The following ATAD5 variants were observed in gnomAD, a reference collection of about 807,000 sequenced individuals.
ATAD5 encodes the protein ATPase family AAA domain-containing protein 5.
In ATAD5, 58 loss-of-function variants were observed where a neutral mutation model predicts 176.9. The observed-to-expected ratio is 0.33, with a 90% CI of 0.27 to 0.41. The LOEUF (loss-of-function observed/expected upper bound fraction) is 0.41. Ranked by LOEUF, ATAD5 falls within the 10% of genes least tolerant of loss-of-function variation. ATAD5 has a pLI of 1.00. For missense variants in ATAD5, 1,789 were observed against 2,094.1 expected, an observed-to-expected ratio of 0.85 and a Z score of 2.84; for synonymous variants, 640 against 712.6, an observed-to-expected ratio of 0.90 and a Z score of 1.62.
In ATAD5 at chr17:30,893,684, A is replaced by G; in HGVS notation, c.4831A>G (p.Ser1611Gly). The G allele has an allele frequency of 6.2e-7, 1 of 1,613,300 alleles. No homozygotes were observed. Among genetic ancestry groups the G allele is most frequent in the Non-Finnish European group, 8.5e-7 (1 of 1,179,740 alleles). The change falls in exon 21 of 23, where the codon AGC (serine) becomes GGC (glycine). Residue 1611 changes from serine to glycine, a missense_variant. Ser to Gly is a moderately conservative substitution (Grantham distance 56). This residue lies in a region of ATAD5 where 403 missense variants were observed against 495.1 expected (regional missense o/e 0.81). Transcript: ENST00000321990. ...AGAAAGCAAAACCGGAGACGAAGAA[A>G]GCAAAGCCAGAGACAAAGGAAACAA... ...AEESKTGDEE[S>G]KARDKGNNPE...
chr17:30,892,749 C>T lies in ATAD5; in HGVS notation c.4401C>T (p.Asn1467=), dbSNP rs771264678. 4 of 1,576,780 alleles carry T rather than the reference C, an allele frequency of 2.5e-6. No individual in the cohort carries two copies. The highest frequency in any genetic ancestry group is 3.4e-6 in the Non-Finnish European group (4 of 1,164,028). Residue 1467 remains asparagine, a synonymous_variant, in exon 20 of 23, where the codon AAC becomes AAT. Coordinates refer to ENST00000321990, the MANE Select transcript of ATAD5 (RefSeq NM_024857.5). ...CTGAGACCTTGTTTGGCCTTAAGAACATTTTTTCCCCATCTGAAGACTTAT... is the reference window on the plus strand; with the variant it reads ...CTGAGACCTTGTTTGGCCTTAAGAATATTTTTTCCCCATCTGAAGACTTAT... ...GCAETLFGLK[N]IFSPSEDLFS...
chr17:30,856,348 T>C (rs1173566112), intron 7 of ATAD5, among the ~76,000 whole-genome samples: 4 of 152,226 alleles, frequency 2.6e-5, no homozygotes, highest in Non-Finnish European at 5.9e-5. Flanking sequence ...TCGCCAGTGC[T>C]CACAAGGTTA....
At chr17:30,841,691 G>A (rs2078986825) in intron 4 of ATAD5, among the ~76,000 whole-genome samples, 1 of 152,110 alleles carries the variant, frequency 6.6e-6, no homozygotes, top group South Asian at 2.1e-4. Context: ...TTCTGTCTCT[G>A]TAGATTTGCT....
At chr17:30,865,913 C>G in intron 11 of ATAD5, 113 bp downstream of exon 11, 6 of 558,912 alleles carry the variant, frequency 1.1e-5, no homozygotes, top group Non-Finnish European at 1.4e-5. Context: ...CTTCAAAAAA[C>G]TGGTAGAAGT....
chr17:30,858,428 C>A, intron 9 of ATAD5, 105 bp downstream of exon 9: 2 of 866,352 alleles, frequency 2.3e-6, no homozygotes, highest in Non-Finnish European at 3.1e-6. Context: ...TCTTGTCGCC[C>A]TGGCTGGAGT....
intron 15 of ATAD5, among the ~76,000 whole-genome samples, chr17:30,876,846 A>G (rs1295559769): frequency 6.6e-6 from 1 of 150,626 alleles, no homozygotes; most frequent in Non-Finnish European, 1.5e-5. Flanking sequence ...CCTCCCGAGT[A>G]GCTGGGATTA....
Position 30,835,476 on chromosome 17 carries a change from T to A in ATAD5, c.1395T>A (p.Thr465=), listed in dbSNP as rs1460635972. The A allele has an allele frequency of 1.2e-6, 2 of 1,607,664 alleles. No individual in the cohort carries two copies. Among genetic ancestry groups the A allele is most frequent in the African/African-American group, 2.7e-5 (2 of 74,512 alleles). The change falls in exon 2 of 23, where the codon ACT becomes ACA. Residue 465 remains threonine (T), a synonymous_variant. Transcript: ENST00000321990. ...AAAATGGCAATTTACAGTTACACACTGATAAAGGAAGTTTTCTGAAGGAGA... is the reference window on the plus strand; with the variant it reads ...AAAATGGCAATTTACAGTTACACACAGATAAAGGAAGTTTTCTGAAGGAGA... ...VSKNGNLQLH[T]DKGSFLKEKN... is the part of the protein sequence containing the mutation.
At chr17:30,854,617 C>G (rs1482944471) in intron 6 of ATAD5, among the ~76,000 whole-genome samples, 7 of 151,890 alleles carry the variant, frequency 4.6e-5, no homozygotes, top group Non-Finnish European at 1.0e-4. Context: ...GGTGATCCAC[C>G]CTCCTCGGCC....
chr17:30,869,310 A>T lies in ATAD5; in HGVS notation c.3376A>T (p.Asn1126Tyr), dbSNP rs1261499587. ...SDDEEESRLC[N>Y]TVLITGPTGV... ...TGATGAAGAAGAGAGTCGTCTTTGC[A>T]ATACTGTCCTTATAACAGGGCCAAC... is the stretch of plus-strand genomic sequence containing the variant. Residue 1126 changes from asparagine (N) to tyrosine (Y), a missense_variant, in exon 13 of 23, where the codon AAT becomes TAT. By Grantham distance (143) the Asn-to-Tyr change is moderately radical (BLOSUM62 -2). This residue lies in a region of ATAD5 where 487 missense variants were observed against 573.6 expected (regional missense o/e 0.85). Transcript: ENST00000321990. The T allele has an allele frequency of 1.9e-6, 3 of 1,613,974 alleles. No individual in the cohort carries two copies. In the East Asian group the frequency reaches 6.7e-5, roughly 36 times the overall value.
chr17:30,868,732 C>T (rs1430391479), intron 12 of ATAD5, among the ~76,000 whole-genome samples: 1 of 151,644 alleles, frequency 6.6e-6, no homozygotes, highest in Non-Finnish European at 1.5e-5. Flanking sequence ...GTCTTGAACT[C>T]CTGACCTCGT....
chr17:30,869,930 C>A, intron 14 of ATAD5: 1 of 281,918 alleles, frequency 3.5e-6, no homozygotes, highest in Non-Finnish European at 6.5e-6. Flanking sequence ...AGCAGCATAG[C>A]GAGACCTTGT....
chr17:30,882,813 G>T (rs1269811997), intron 18 of ATAD5, among the ~76,000 whole-genome samples: 2 of 152,250 alleles, frequency 1.3e-5, no homozygotes, highest in East Asian at 3.9e-4. Context: ...TGTATGAAAT[G>T]TCCAGAATAG....
chr17:30,889,395 CAT>C (rs1185980215), intron 19 of ATAD5, among the ~76,000 whole-genome samples: 1 of 151,222 alleles, frequency 6.6e-6, no homozygotes, highest in African/African-American at 2.4e-5. Context: ...GTACTTATAA[CAT>C]AGTACTTATA....
At chr17:30,876,781 A>G (rs1261003720) in intron 15 of ATAD5, among the ~76,000 whole-genome samples, 1 of 137,322 alleles carries the variant, frequency 7.3e-6, no homozygotes, top group African/African-American at 2.9e-5. Flanking sequence ...CAGTGGCACA[A>G]TTTTGGCTCA....
intron 8 of ATAD5, among the ~76,000 whole-genome samples, chr17:30,857,664 A>G (rs1331250945): frequency 6.6e-6 from 1 of 152,214 alleles, no homozygotes; most frequent in East Asian, 1.9e-4. Context: ...TAGGTCATAT[A>G]ATCTAATAGA....
At chr17:30,870,269 G>A (rs921246413) in intron 14 of ATAD5, among the ~76,000 whole-genome samples, 1 of 151,794 alleles carries the variant, frequency 6.6e-6, no homozygotes, top group African/African-American at 2.4e-5. Flanking sequence ...TTTTAATCTC[G>A]CTAACAATTC....
chr17:30,868,639 T>G (rs1343131244), intron 12 of ATAD5, among the ~76,000 whole-genome samples: 1 of 151,318 alleles, frequency 6.6e-6, no homozygotes, highest in Non-Finnish European at 1.5e-5. Context: ...CCTGAGTAGC[T>G]GGGATTACAG....
chr17:30,886,372 TTTTATTTATTTATTTA>T (rs138195442), intron 18 of ATAD5, among the ~76,000 whole-genome samples: 15,766 of 146,498 alleles, frequency 0.11, 970 homozygotes, highest in South Asian at 0.24. Flanking sequence ...AATTGAATTA[TTTTATTTATTTATTTA>T]TTTATTTATT....
intron 15 of ATAD5, 79 bp downstream of exon 15, chr17:30,876,629 A>C (rs1188168732): frequency 1.4e-6 from 1 of 735,116 alleles, no homozygotes. Context: ...ACATTTTACG[A>C]GTTCCTGTTG....
Sources: gnomAD v4.1 joint callset for allele counts (sites outside exome capture counted in the v4.1 genomes callset) on GRCh38, gnomAD v4.1.1 for gene constraint, gnomAD v4.1.1 regional missense constraint, MANE v1.5 for transcripts, NCBI Gene and HGNC (gene_info 2026-07-23, HGNC 2026-07-21) for gene names.